The following DMGDH variants were observed in gnomAD, a reference collection of about 807,000 sequenced individuals.
The protein encoded by DMGDH is dimethylglycine dehydrogenase, mitochondrial.
A neutral mutation model predicts 95.2 loss-of-function variants in DMGDH; 76 were observed. The observed-to-expected ratio is 0.80, with a 90% CI of 0.66 to 0.97. DMGDH has a LOEUF of 0.97. DMGDH is among the 50% of genes least tolerant of loss of function. DMGDH has a pLI of 0.00. For missense variants in DMGDH, 987 were observed against 1,055.0 expected (o/e 0.94, Z 0.89); for synonymous variants, 345 against 377.6 (o/e 0.91, Z 1.00).
chr5:79,059,865 A>C (rs970516263), intron 2 of DMGDH, among the ~76,000 whole-genome samples: 1 of 152,254 alleles, frequency 6.6e-6, no homozygotes, highest in African/African-American at 2.4e-5. Flanking sequence ...CTGCTAGTAG[A>C]TAACCAGGAA....
rs191337107 is a variant in DMGDH, at chr5:79,029,506, G to A, written c.1814+398C>T. ...TTTAGGAAGACAGCTTACAGAAGTG[G>A]ACCAAATGCGGGCATCAGAATCAAA... On this transcript the variant is annotated intron_variant, in intron 11 of 15. Coordinates refer to ENST00000255189, the MANE Select transcript of DMGDH (RefSeq NM_013391.3). Among the ~76,000 whole-genome samples the A allele has an allele frequency of 1.7e-3, 259 of 152,228 alleles. 1 individual carries two copies. The highest frequency in any genetic ancestry group is 6.8e-3 in the Middle Eastern group (2 of 294).
At chr5:79,063,547 G>A (rs916893555) in intron 2 of DMGDH, 66 bp downstream of exon 2, 66 of 1,596,826 alleles carry the variant, frequency 4.1e-5, no homozygotes, top group Non-Finnish European at 3.0e-5. Context: ...AGTTGTGAAC[G>A]GGAAGGAAAT....
chr5:78,999,032 T>A (rs992602318), intron 15 of DMGDH, among the ~76,000 whole-genome samples: 3 of 152,152 alleles, frequency 2.0e-5, no homozygotes, highest in African/African-American at 7.2e-5. Context: ...ATAGCCCTGC[T>A]CAAAATGGCT....
rs1170037414 is a variant in DMGDH, at chr5:78,997,765, G to T, written c.*317C>A. On this transcript the variant is annotated 3_prime_UTR_variant, in exon 16 of 16. Coordinates refer to ENST00000255189, the MANE Select transcript of DMGDH (RefSeq NM_013391.3). ...GCATTTGTTACTAAAATTATAAAATGTCCCTTAATTAGGTTATAGTAATGA... is the reference window on the plus strand; with the variant it reads ...GCATTTGTTACTAAAATTATAAAATTTCCCTTAATTAGGTTATAGTAATGA... The T allele has an allele frequency of 7.4e-6, 2 of 268,694 alleles. No homozygotes were observed. The highest frequency in any genetic ancestry group is 4.5e-5 in the African/African-American group (2 of 44,872). 16.6% of individuals were successfully genotyped at this position (268,694 alleles called of 1,614,324 possible). A position where few individuals can be genotyped will look rare whatever the true frequency, so the allele number is the denominator to read the frequency against.
chr5:79,062,121 C>T (rs1201503504), intron 2 of DMGDH, among the ~76,000 whole-genome samples: 1 of 151,962 alleles, frequency 6.6e-6, no homozygotes, highest in Non-Finnish European at 1.5e-5. Flanking sequence ...CCTCATGGCC[C>T]CCTGGCTCAC....
At chr5:79,053,395 G>A (rs893524474) in intron 4 of DMGDH, among the ~76,000 whole-genome samples, 7 of 152,158 alleles carry the variant, frequency 4.6e-5, no homozygotes, top group East Asian at 1.9e-4. Flanking sequence ...TGAACTCCTC[G>A]CCTCAAGCAA....
intron 14 of DMGDH, among the ~76,000 whole-genome samples, chr5:79,009,151 G>A (rs1753598409): frequency 6.6e-6 from 1 of 152,036 alleles, no homozygotes; most frequent in South Asian, 2.1e-4. Flanking sequence ...AATAATATTT[G>A]TGTACTATGT....
chr5:79,069,418 C>T (rs1755481651), intron 1 of DMGDH, 102 bp downstream of exon 1: 2 of 550,912 alleles, frequency 3.6e-6, no homozygotes. Flanking sequence ...AGGCCTATTT[C>T]TTGGAGGCCA....
At chr5:79,050,273 A>AAAAATATAT (rs1554037270) in intron 5 of DMGDH, among the ~76,000 whole-genome samples, 11 of 20,930 alleles carry the variant, frequency 5.3e-4, no homozygotes, top group Non-Finnish European at 8.4e-4. Flanking sequence ...AAAAAAAAAA[A>AAAAATATAT]ATATATATAT....
chr5:79,032,661 A>G, intron 9 of DMGDH, 26 bp downstream of exon 9: 1 of 1,614,080 alleles, frequency 6.2e-7, no homozygotes, highest in East Asian at 2.2e-5. Context: ...GGTCAGAACC[A>G]CAGGCAGGTA....
chr5:79,037,581 T>C (rs1464974626), intron 7 of DMGDH, among the ~76,000 whole-genome samples: 1 of 152,076 alleles, frequency 6.6e-6, no homozygotes, highest in Admixed American at 6.5e-5. Flanking sequence ...TCCACCCACC[T>C]CCCAGTATCT....
chr5:79,033,033 T>C (rs1170073288), intron 8 of DMGDH, among the ~76,000 whole-genome samples, 193 bp from the exon 9 acceptor site: 2 of 152,128 alleles, frequency 1.3e-5, no homozygotes, highest in Non-Finnish European at 2.9e-5. Context: ...AGTAAAAATA[T>C]ATTTAAAATT....
chr5:79,068,655 A>T (rs1251863094), intron 1 of DMGDH, among the ~76,000 whole-genome samples: 1 of 152,258 alleles, frequency 6.6e-6, no homozygotes, highest in Non-Finnish European at 1.5e-5. Flanking sequence ...TAAAATTCGA[A>T]TCAACTCATA....
At chr5:79,052,404 A>C (rs1215370054) in intron 4 of DMGDH, among the ~76,000 whole-genome samples, 1 of 152,186 alleles carries the variant, frequency 6.6e-6, no homozygotes, top group East Asian at 1.9e-4. Context: ...TATCTGGTCA[A>C]ATTAACTAGT....
intron 3 of DMGDH, among the ~76,000 whole-genome samples, chr5:79,054,667 G>A (rs1754969806): frequency 6.6e-6 from 1 of 152,142 alleles, no homozygotes; most frequent in African/African-American, 2.4e-5. Context: ...ACAGTAGCAT[G>A]GAATGAGTGT....
chr5:79,042,121 C>G (rs1334305039), intron 7 of DMGDH, among the ~76,000 whole-genome samples, 162 bp downstream of exon 7: 1 of 152,134 alleles, frequency 6.6e-6, no homozygotes, highest in Non-Finnish European at 1.5e-5. Flanking sequence ...TTGTATGAAT[C>G]CTTGGTCATG....
intron 15 of DMGDH, among the ~76,000 whole-genome samples, chr5:79,002,297 T>G (rs892937462): frequency 2.6e-5 from 4 of 152,190 alleles, no homozygotes; most frequent in African/African-American, 9.7e-5. Flanking sequence ...TTTCAAAACT[T>G]CCTTCCAAGC....
Position 78,999,034 on chromosome 5 carries a change from A to C in DMGDH, c.2386-737T>G, listed in dbSNP as rs1753407441. Among the ~76,000 whole-genome samples, 3 of 152,362 alleles carry C rather than the reference A, an allele frequency of 2.0e-5. No individual in the cohort carries two copies. In the South Asian group the frequency reaches 6.2e-4, roughly 32 times the overall value. ...TAAAACACGATATATAGCCCTGCTCAAAATGGCTTCTCCTGGCCACACAAC... is the reference window on the plus strand; with the variant it reads ...TAAAACACGATATATAGCCCTGCTCCAAATGGCTTCTCCTGGCCACACAAC... On this transcript the variant is annotated intron_variant, in intron 15 of 15. Coordinates refer to ENST00000255189, the MANE Select transcript of DMGDH (RefSeq NM_013391.3).
At chr5:79,054,376 A>G in intron 3 of DMGDH, 28 bp from the exon 4 acceptor site, 3 of 1,612,382 alleles carry the variant, frequency 1.9e-6, no homozygotes, top group Non-Finnish European at 2.5e-6. Context: ...GTGAGAGCAT[A>G]TAAATAAGTC....
Sources: allele counts gnomAD v4.1 joint callset (sites outside exome capture counted in the v4.1 genomes callset), GRCh38; gene constraint gnomAD v4.1.1; transcripts MANE v1.5; gene names NCBI Gene and HGNC (gene_info 2026-07-23, HGNC 2026-07-21).